The following FBXL17 variants were observed in gnomAD, a reference collection of about 807,000 sequenced individuals.
FBXL17 encodes the protein F-box and leucine rich repeat protein 17.
In FBXL17, 22 loss-of-function variants were observed where a neutral mutation model predicts 66.2. The ratio of observed to expected loss-of-function variants is 0.33; its 90% CI spans 0.24 to 0.47. The LOEUF is 0.47. Ranked by LOEUF, FBXL17 falls within the 20% of genes least tolerant of loss-of-function variation. The pLI is 1.00. For synonymous variants in FBXL17, 474 were observed against 400.5 expected (o/e 1.18, Z -2.19); for missense variants, 878 against 948.2 (o/e 0.93, Z 0.97).
intron 6 of FBXL17, among the ~76,000 whole-genome samples, chr5:108,023,474 C>A (rs1164269344): frequency 6.6e-6 from 1 of 152,094 alleles, no homozygotes; most frequent in Non-Finnish European, 1.5e-5. Flanking sequence ...AAATGGAACA[C>A]CACCTCATGT....
intron 6 of FBXL17, among the ~76,000 whole-genome samples, chr5:108,153,957 C>T (rs1751866862): frequency 6.6e-6 from 1 of 152,276 alleles, no homozygotes; most frequent in South Asian, 2.1e-4. Context: ...GGAAGTGTTT[C>T]TTTCTTGTGG....
In FBXL17 at chr5:108,308,584, G is replaced by A. The variant is rs568537641; in HGVS notation, c.1506+39815C>T. On this transcript the variant is annotated intron_variant, in intron 4 of 8. Coordinates refer to ENST00000542267, the MANE Select transcript of FBXL17 (RefSeq NM_001163315.3). ...ATTCTAATTTGGGAAGAAAACCTCC[G>A]TCATAGATTTTGAATTAGCGATTAT... Among the ~76,000 whole-genome samples the A allele has an allele frequency of 1.8e-4, 28 of 152,110 alleles. No individual in the cohort carries two copies. The South Asian group carries it at 2.9e-3, about 16-fold the overall frequency.
At chr5:108,375,369 A>G (rs1353256811) in intron 1 of FBXL17, among the ~76,000 whole-genome samples, 2 of 98,374 alleles carry the variant, frequency 2.0e-5, no homozygotes, top group East Asian at 1.8e-3. Context: ...GAGACCCTGC[A>G]CACACACACA....
intron 7 of FBXL17, among the ~76,000 whole-genome samples, chr5:107,908,059 T>C (rs891931073): frequency 2.2e-4 from 33 of 152,314 alleles, no homozygotes; most frequent in Admixed American, 6.5e-4. Context: ...TGTCCAACAA[T>C]GATAGACTGG....
At position 107,861,708 on chromosome 5, in the gene FBXL17, G is replaced by A. The variant is rs763956267; in HGVS notation, c.*12C>T. On this transcript the variant is annotated 3_prime_UTR_variant, in exon 9 of 9. Coordinates refer to ENST00000542267, the MANE Select transcript of FBXL17 (RefSeq NM_001163315.3). ...GCTGAATGATCCCAGTGGACTAGGCGAGGCAGGAGCGCTAGGAGGAGGCGG... is the reference window on the plus strand; with the variant it reads ...GCTGAATGATCCCAGTGGACTAGGCAAGGCAGGAGCGCTAGGAGGAGGCGG... 1.7e-4 allele frequency: 265 copies of A among 1,562,136 alleles called. No individual in the cohort carries two copies. The highest frequency in any genetic ancestry group is 4.9e-5 in the South Asian group (4 of 82,432).
chr5:108,192,352 G>T (rs1262907121), intron 5 of FBXL17, among the ~76,000 whole-genome samples: 1 of 152,136 alleles, frequency 6.6e-6, no homozygotes, highest in East Asian at 1.9e-4. Context: ...TAAATATTTA[G>T]TAAGGTATTT....
chr5:108,343,572 T>G (rs1747033222), intron 4 of FBXL17, among the ~76,000 whole-genome samples: 1 of 152,188 alleles, frequency 6.6e-6, no homozygotes, highest in Non-Finnish European at 1.5e-5. Context: ...AACTCATATA[T>G]AAACCCATTA....
At chr5:107,911,124 G>T (rs541686637) in intron 7 of FBXL17, among the ~76,000 whole-genome samples, 8 of 152,152 alleles carry the variant, frequency 5.3e-5, no homozygotes, top group Non-Finnish European at 1.2e-4. Context: ...TTAAGAGAGG[G>T]ATGAATCTGC....
chr5:108,311,802 G>C (rs1379071352), intron 4 of FBXL17, among the ~76,000 whole-genome samples: 1 of 152,156 alleles, frequency 6.6e-6, no homozygotes, highest in Non-Finnish European at 1.5e-5. Flanking sequence ...GAAAGAGAAT[G>C]CATAATAACA....
At chr5:108,312,156 T>G (rs542783675) in intron 4 of FBXL17, among the ~76,000 whole-genome samples, 1 of 152,130 alleles carries the variant, frequency 6.6e-6, no homozygotes, top group Admixed American at 6.6e-5. Context: ...TCACAGCTTA[T>G]GTAAAAGGCT....
intron 6 of FBXL17, among the ~76,000 whole-genome samples, chr5:108,153,606 ACCCC>A (rs1751854175): frequency 6.6e-6 from 1 of 152,140 alleles, no homozygotes; most frequent in Non-Finnish European, 1.5e-5. Flanking sequence ...CTAGGTGGTA[ACCCC>A]ACAGTTCCAT....
chr5:108,065,492 T>A (rs1222010179), intron 6 of FBXL17, among the ~76,000 whole-genome samples: 1 of 152,206 alleles, frequency 6.6e-6, no homozygotes, highest in Non-Finnish European at 1.5e-5. Context: ...TGGCAATTAA[T>A]CCCTTGTACG....
chr5:107,919,795 C>T (rs988696540), intron 7 of FBXL17, among the ~76,000 whole-genome samples: 3 of 152,186 alleles, frequency 2.0e-5, no homozygotes, highest in Non-Finnish European at 4.4e-5. Flanking sequence ...CCATTATCCT[C>T]CCTGCCCTGC....
intron 6 of FBXL17, among the ~76,000 whole-genome samples, chr5:108,037,998 T>C (rs1397022163): frequency 6.6e-6 from 1 of 152,092 alleles, no homozygotes. Context: ...GCAAAACATA[T>C]GGAATGGCAC....
chr5:108,072,325 A>C (rs2112865082), intron 6 of FBXL17, among the ~76,000 whole-genome samples: 1 of 152,368 alleles, frequency 6.6e-6, no homozygotes, highest in African/African-American at 2.4e-5. Flanking sequence ...AAAATATTGT[A>C]AAAATGAAAT....
intron 7 of FBXL17, among the ~76,000 whole-genome samples, chr5:107,988,092 C>A (rs1753091949): frequency 6.6e-6 from 1 of 151,826 alleles, no homozygotes; most frequent in Non-Finnish European, 1.5e-5. Context: ...CAGGTTTTCT[C>A]AATTTTAAAA....
chr5:108,137,950 T>C (rs766766503), intron 6 of FBXL17, among the ~76,000 whole-genome samples: 3 of 152,206 alleles, frequency 2.0e-5, no homozygotes, highest in Non-Finnish European at 2.9e-5. Context: ...ATTAAAACTA[T>C]TTGTAGCTGT....
chr5:107,980,406 T>C (rs1403130603), intron 7 of FBXL17, among the ~76,000 whole-genome samples: 2 of 150,952 alleles, frequency 1.3e-5, no homozygotes, highest in Admixed American at 6.6e-5. Context: ...TTAATATTTT[T>C]TTTTTTCTTT....
In FBXL17 at chr5:108,049,163, T is replaced by C. The variant is rs559051872; in HGVS notation, c.1746-28162A>G. 3.3e-5 allele frequency among the ~76,000 whole-genome samples: 5 copies of C among 152,020 alleles called. No homozygotes were observed. The South Asian group carries it at 1.0e-3, about 32-fold the overall frequency. On this transcript the variant is annotated intron_variant, in intron 6 of 8. Transcript: ENST00000542267. The stretch of plus-strand genomic sequence containing the variant: ...CAATATTCAACATTCTTTTTTTTTT[T>C]AGACAGAGTCTCACTCTTGCCCAGG...
Sources: allele counts gnomAD v4.1 joint callset (sites outside exome capture counted in the v4.1 genomes callset), GRCh38; gene constraint gnomAD v4.1.1; transcripts MANE v1.5; gene names NCBI Gene and HGNC (gene_info 2026-07-23, HGNC 2026-07-21).